Variants in LRRC7 observed in about 807,000 individuals in gnomAD.
The protein encoded by LRRC7 is leucine-rich repeat-containing protein 7.
Under a neutral mutation model 175.7 loss-of-function variants are expected in LRRC7, and 23 were observed. The ratio of observed to expected loss-of-function variants is 0.13; its 90% CI spans 0.09 to 0.19. The LOEUF is 0.19. LRRC7 is among the 10% of genes least tolerant of loss of function. The pLI, the probability that LRRC7 is intolerant of heterozygous loss-of-function variation, is 1.00. For synonymous variants in LRRC7, 685 were observed against 680.9 expected, an observed-to-expected ratio of 1.01 and a Z score of -0.09; for missense variants, 1,354 against 1,904.7, an observed-to-expected ratio of 0.71 and a Z score of 5.38.
chr1:69,791,548 G>A (rs1255059164), intron 3 of LRRC7, among the ~76,000 whole-genome samples: 1 of 151,966 alleles, frequency 6.6e-6, no homozygotes, highest in African/African-American at 2.4e-5. Flanking sequence ...AGCAGTTGGG[G>A]GAGGGAGCAC....
intron 8 of LRRC7, among the ~76,000 whole-genome samples, chr1:69,979,653 G>T (rs181997879): frequency 7.2e-5 from 11 of 152,012 alleles, no homozygotes; most frequent in African/African-American, 2.7e-4. Flanking sequence ...GGCATGTACC[G>T]CATTGTACAT....
At chr1:69,736,163 T>C (rs1167152858) in intron 2 of LRRC7, among the ~76,000 whole-genome samples, 1 of 152,078 alleles carries the variant, frequency 6.6e-6, no homozygotes, top group Non-Finnish European at 1.5e-5. Context: ...AAAAATAACA[T>C]TTGAAATTTA....
chr1:70,065,488 G>T (rs1049319757), intron 23 of LRRC7, among the ~76,000 whole-genome samples: 8 of 151,774 alleles, frequency 5.3e-5, no homozygotes, highest in African/African-American at 1.9e-4. Flanking sequence ...TATTATTTTG[G>T]ATAAAAATCT....
At chr1:69,572,656 GA>G (rs1490539827) in intron 1 of LRRC7, among the ~76,000 whole-genome samples, 1 of 152,074 alleles carries the variant, frequency 6.6e-6, no homozygotes, top group Non-Finnish European at 1.5e-5. Context: ...AGAGGAGTAA[GA>G]AAAACTTAGG....
chr1:69,684,454 G>A (rs1335445907), intron 2 of LRRC7, among the ~76,000 whole-genome samples: 2 of 152,070 alleles, frequency 1.3e-5, no homozygotes, highest in African/African-American at 4.8e-5. Context: ...GAAGGAAGGT[G>A]AAAGAAGGGG....
chr1:69,966,884 A>G (rs993501637), intron 8 of LRRC7, among the ~76,000 whole-genome samples: 1 of 152,228 alleles, frequency 6.6e-6, no homozygotes, highest in African/African-American at 2.4e-5. Context: ...GCACTGGGCA[A>G]AGTCCACATG....
At chr1:69,692,586 C>T (rs1477088246) in intron 2 of LRRC7, among the ~76,000 whole-genome samples, 1 of 152,150 alleles carries the variant, frequency 6.6e-6, no homozygotes, top group Admixed American at 6.5e-5. Flanking sequence ...TAAACCAAGG[C>T]CTTGACCCTT....
chr1:69,869,932 G>A (rs1685348349), intron 7 of LRRC7, among the ~76,000 whole-genome samples: 1 of 152,124 alleles, frequency 6.6e-6, no homozygotes, highest in South Asian at 2.1e-4. Context: ...CATTATAATA[G>A]ATCAAGGAAA....
intron 1 of LRRC7, among the ~76,000 whole-genome samples, chr1:69,656,523 A>T (rs546814167): frequency 6.6e-6 from 1 of 152,130 alleles, no homozygotes; most frequent in South Asian, 2.1e-4. Context: ...AGTATGTGGA[A>T]TGGTAACTTT....
chr1:70,062,468 C>CT (rs1226611577), intron 23 of LRRC7, among the ~76,000 whole-genome samples: 1 of 151,884 alleles, frequency 6.6e-6, no homozygotes, highest in Non-Finnish European at 1.5e-5. Context: ...ATGCCTTTTG[C>CT]TATACTTGGG....
intron 13 of LRRC7, 71 bp from the exon 14 acceptor site, chr1:70,016,394 T>C (rs1440848817): frequency 1.6e-5 from 18 of 1,122,310 alleles, no homozygotes; most frequent in Admixed American, 1.3e-4. Flanking sequence ...GTTAGAGTAT[T>C]TTAAATAATT....
intron 1 of LRRC7, among the ~76,000 whole-genome samples, chr1:69,578,336 T>C (rs1203087194): frequency 2.0e-5 from 3 of 149,716 alleles, no homozygotes; most frequent in African/African-American, 7.5e-5. Context: ...ACTTTTACAC[T>C]GTTGGTGGGA....
At chr1:69,852,077 ACT>A (rs931076057) in intron 7 of LRRC7, among the ~76,000 whole-genome samples, 31 of 151,202 alleles carry the variant, frequency 2.1e-4, no homozygotes, top group African/African-American at 7.5e-4. Flanking sequence ...TCCAAATGCT[ACT>A]CTCTCTACAA....
intron 8 of LRRC7, among the ~76,000 whole-genome samples, chr1:69,951,336 G>C (rs1403004739): frequency 6.6e-6 from 1 of 151,942 alleles, no homozygotes; most frequent in Admixed American, 6.6e-5. Context: ...ATACACTGTT[G>C]GTGATACTGT....
At chr1:69,620,768 G>T (rs1050099747) in intron 1 of LRRC7, among the ~76,000 whole-genome samples, 7 of 152,074 alleles carry the variant, frequency 4.6e-5, no homozygotes, top group African/African-American at 1.4e-4. Context: ...CTGGATGTTT[G>T]CCTGTCTTGT....
intron 5 of LRRC7, among the ~76,000 whole-genome samples, chr1:69,832,152 A>G (rs1680600531): frequency 6.6e-6 from 1 of 152,206 alleles, no homozygotes; most frequent in South Asian, 2.1e-4. Context: ...CAAGCTGTTT[A>G]CAGTATTTGG....
chr1:69,616,182 G>T (rs560590353), intron 1 of LRRC7, among the ~76,000 whole-genome samples: 1 of 152,048 alleles, frequency 6.6e-6, no homozygotes, highest in South Asian at 2.1e-4. Context: ...AGTCTTCAAT[G>T]TTGTAATCAT....
In LRRC7 at chr1:69,701,839, C is replaced by A. The variant is rs529387312; in HGVS notation, c.100+23361C>A. ...GACTTAATTTACTTTCAAATTAGTG[C>A]ACAGAGGATATTCATAACTAACAAT... is the stretch of plus-strand genomic sequence containing the variant. On this transcript the variant is annotated intron_variant, in intron 2 of 26. Coordinates refer to ENST00000651989, the MANE Select transcript of LRRC7 (RefSeq NM_001370785.2). 9.2e-5 allele frequency among the ~76,000 whole-genome samples: 14 copies of A among 152,218 alleles called. No individual in the cohort carries two copies. In the South Asian group the frequency reaches 1.0e-3, roughly 11 times the overall value.
intron 4 of LRRC7, among the ~76,000 whole-genome samples, chr1:69,795,020 G>A (rs565189277): frequency 3.3e-5 from 5 of 152,300 alleles, no homozygotes; most frequent in African/African-American, 9.6e-5. Context: ...AATGATAGCA[G>A]CCATTGCTAG....
Sources: allele counts gnomAD v4.1 joint callset (sites outside exome capture counted in the v4.1 genomes callset), GRCh38; gene constraint gnomAD v4.1.1; transcripts MANE v1.5; gene names NCBI Gene and HGNC (gene_info 2026-07-23, HGNC 2026-07-21).